DRC11: variants seen among roughly 807,000 people sequenced by gnomAD.
The protein encoded by DRC11 is IQ and AAA domain-containing protein 1.
At chr2:236,390,389 T>C in the DRC11 span, among the ~76,000 whole-genome samples, 4 of 152,192 alleles carry the variant, frequency 2.6e-5, no homozygotes, top group African/African-American at 4.8e-5. This position sits in a 1 kb window ranked among gnomAD's most constrained non-coding sequence, Gnocchi z 5.9. Context: ...GTATATAGCA[T>C]ATAGTTGGAT....
At chr2:236,357,347 TTA>T in the DRC11 span, among the ~76,000 whole-genome samples, 8 of 96,492 alleles carry the variant, frequency 8.3e-5, no homozygotes, top group Non-Finnish European at 1.2e-4. Context: ...AATATATATA[TTA>T]TATGTATATA....
At chr2:236,406,746 A>G in the DRC11 span, among the ~76,000 whole-genome samples, 2 of 151,660 alleles carry the variant, frequency 1.3e-5, no homozygotes, top group South Asian at 4.2e-4. The surrounding 1 kb of genome is among the most constrained non-coding windows in gnomAD (Gnocchi z 4.7). Flanking sequence ...AAGGATCTCC[A>G]CTATTTTTTT....
the DRC11 span, among the ~76,000 whole-genome samples, chr2:236,325,237 T>C: frequency 2.6e-5 from 4 of 152,194 alleles, no homozygotes; most frequent in Non-Finnish European, 5.9e-5. This position sits in a 1 kb window ranked among gnomAD's most constrained non-coding sequence, Gnocchi z 4.4. Flanking sequence ...AACTTAGTGA[T>C]TGTAACTGGC....
At chr2:236,344,517 G>T in the DRC11 span, 2 of 1,478,840 alleles carry the variant, frequency 1.4e-6, no homozygotes, top group Non-Finnish European at 1.9e-6. Flanking sequence ...CTCCTTTGGA[G>T]GAAAGAAAAG....
At chr2:236,504,400 C>T in the DRC11 span, among the ~76,000 whole-genome samples, 1 of 152,176 alleles carries the variant, frequency 6.6e-6, no homozygotes, top group Admixed American at 6.5e-5. The surrounding 1 kb of genome is among the most constrained non-coding windows in gnomAD (Gnocchi z 5.0). Flanking sequence ...AGTAATGCTG[C>T]TAGAAGCATT....
chr2:236,321,851 G>T, the DRC11 span, among the ~76,000 whole-genome samples: 8 of 152,090 alleles, frequency 5.3e-5, no homozygotes, highest in South Asian at 4.1e-4. Context: ...CACAGAGGGT[G>T]GGGGGGAAGT....
chr2:236,475,276 GT>G, the DRC11 span, among the ~76,000 whole-genome samples: 1 of 152,078 alleles, frequency 6.6e-6, no homozygotes, highest in African/African-American at 2.4e-5. This position sits in a 1 kb window ranked among gnomAD's most constrained non-coding sequence, Gnocchi z 4.8. Flanking sequence ...ATGACCTCCT[GT>G]TCCATTCATG....
the DRC11 span, among the ~76,000 whole-genome samples, chr2:236,318,414 C>A: frequency 6.6e-6 from 1 of 152,050 alleles, no homozygotes; most frequent in African/African-American, 2.4e-5. The surrounding 1 kb of genome is among the most constrained non-coding windows in gnomAD (Gnocchi z 7.0). Context: ...TGCACGCATG[C>A]CTACGTGTGC....
At chr2:236,472,997 T>C in the DRC11 span, among the ~76,000 whole-genome samples, 1 of 152,182 alleles carries the variant, frequency 6.6e-6, no homozygotes, top group African/African-American at 2.4e-5. The surrounding 1 kb of genome is among the most constrained non-coding windows in gnomAD (Gnocchi z 4.6). Context: ...GGAACAGCCC[T>C]TTTGCATTTA....
the DRC11 span, among the ~76,000 whole-genome samples, chr2:236,342,775 G>A: frequency 1.3e-5 from 2 of 152,288 alleles, no homozygotes; most frequent in Admixed American, 6.5e-5. This position sits in a 1 kb window ranked among gnomAD's most constrained non-coding sequence, Gnocchi z 5.8. Flanking sequence ...CTGAGTCTGG[G>A]GTGGCTCAGG....
At chr2:236,342,430 C>A in the DRC11 span, among the ~76,000 whole-genome samples, 1 of 152,166 alleles carries the variant, frequency 6.6e-6, no homozygotes, top group Non-Finnish European at 1.5e-5. The surrounding 1 kb of genome is among the most constrained non-coding windows in gnomAD (Gnocchi z 5.8). Context: ...AGAATGTGGA[C>A]GTCCAATGCT....
the DRC11 span, among the ~76,000 whole-genome samples, chr2:236,473,903 C>T: frequency 6.6e-6 from 1 of 152,018 alleles, no homozygotes; most frequent in Non-Finnish European, 1.5e-5. This position sits in a 1 kb window ranked among gnomAD's most constrained non-coding sequence, Gnocchi z 4.8. Context: ...AGAAATATGC[C>T]AAGCATCTCC....
the DRC11 span, among the ~76,000 whole-genome samples, chr2:236,375,279 A>T: frequency 1.4e-4 from 22 of 152,168 alleles, no homozygotes; most frequent in African/African-American, 5.3e-4. This position sits in a 1 kb window ranked among gnomAD's most constrained non-coding sequence, Gnocchi z 4.2. Context: ...TCATTGAAAA[A>T]GTTCAGAAGG....
At chr2:236,471,969 T>C in the DRC11 span, among the ~76,000 whole-genome samples, 1 of 152,218 alleles carries the variant, frequency 6.6e-6, no homozygotes, top group East Asian at 1.9e-4. The surrounding 1 kb of genome is among the most constrained non-coding windows in gnomAD (Gnocchi z 4.6). Flanking sequence ...ATTTTCATCA[T>C]TTAGTCTCTG....
the DRC11 span, among the ~76,000 whole-genome samples, chr2:236,447,016 G>A: frequency 6.6e-6 from 1 of 151,614 alleles, no homozygotes; most frequent in East Asian, 1.9e-4. The surrounding 1 kb of genome is among the most constrained non-coding windows in gnomAD (Gnocchi z 4.6). Context: ...TAGATCTGCA[G>A]GATGCTCAGG....
the DRC11 span, among the ~76,000 whole-genome samples, chr2:236,420,280 T>C: frequency 6.6e-6 from 1 of 152,210 alleles, no homozygotes; most frequent in African/African-American, 2.4e-5. The surrounding 1 kb of genome is among the most constrained non-coding windows in gnomAD (Gnocchi z 4.8). Context: ...CAGCACGTGC[T>C]TAACCAGGAT....
the DRC11 span, among the ~76,000 whole-genome samples, chr2:236,471,823 C>T: frequency 3.3e-5 from 5 of 152,256 alleles, no homozygotes; most frequent in East Asian, 5.8e-4. This position sits in a 1 kb window ranked among gnomAD's most constrained non-coding sequence, Gnocchi z 4.6. Flanking sequence ...TTGACCTTAA[C>T]GGCTTTAATC....
the DRC11 span, among the ~76,000 whole-genome samples, chr2:236,450,898 T>C: frequency 6.6e-6 from 1 of 152,194 alleles, no homozygotes; most frequent in Admixed American, 6.5e-5. Context: ...CCTAATGACT[T>C]TAACAATTAT....
the DRC11 span, chr2:236,465,726 A>C: frequency 1.3e-6 from 2 of 1,529,518 alleles, no homozygotes; most frequent in Non-Finnish European, 1.8e-6. The surrounding 1 kb of genome is among the most constrained non-coding windows in gnomAD (Gnocchi z 6.2). Context: ...AATATATACA[A>C]GCAACAAGGT....
Sources: gnomAD v4.1 joint callset for allele counts (sites outside exome capture counted in the v4.1 genomes callset) on GRCh38, gnomAD v4.1.1 for gene constraint, Gnocchi (gnomAD v3.1) non-coding constraint, MANE v1.5 for transcripts, NCBI Gene and HGNC (gene_info 2026-07-23, HGNC 2026-07-21) for gene names.